LAMA2: variants seen among roughly 807,000 people sequenced by gnomAD.
LAMA2 encodes laminin subunit alpha-2.
In LAMA2, 269 loss-of-function variants were observed where a neutral mutation model predicts 364.8. The observed-to-expected ratio is 0.74, with a 90% CI of 0.67 to 0.82. LAMA2 has a LOEUF of 0.82. Ranked by LOEUF, LAMA2 falls within the 40% of genes least tolerant of loss-of-function variation. The probability of loss-of-function intolerance (pLI) is 0.00; values close to 1 mark genes in which losing one functional copy is unlikely to be tolerated. For synonymous variants in LAMA2, 1,379 were observed against 1,370.6 expected, an observed-to-expected ratio of 1.01 and a Z score of -0.14; for missense variants, 3,807 against 3,873.2, an observed-to-expected ratio of 0.98 and a Z score of 0.45.
At chr6:128,909,700 G>A (rs1281910366) in intron 1 of LAMA2, among the ~76,000 whole-genome samples, 1 of 150,820 alleles carries the variant, frequency 6.6e-6, no homozygotes, top group African/African-American at 2.4e-5. Flanking sequence ...TGGTTATTTT[G>A]CTCGTTAGTT....
chr6:129,010,208 C>T (rs1784679802), intron 1 of LAMA2, among the ~76,000 whole-genome samples: 2 of 152,270 alleles, frequency 1.3e-5, no homozygotes, highest in South Asian at 4.1e-4. Flanking sequence ...CTGCATATAT[C>T]TTGGGACAGA....
intron 1 of LAMA2, among the ~76,000 whole-genome samples, chr6:129,019,840 C>T (rs990396305): frequency 3.3e-5 from 5 of 152,068 alleles, no homozygotes; most frequent in African/African-American, 1.2e-4. Context: ...CCTAGCACTT[C>T]TGTGAGGCTG....
At chr6:129,462,155 G>T (rs1437352971) in intron 49 of LAMA2, among the ~76,000 whole-genome samples, 1 of 152,014 alleles carries the variant, frequency 6.6e-6, no homozygotes, top group Non-Finnish European at 1.5e-5. Context: ...AAAAGAACAA[G>T]TGTGAATTCA....
chr6:129,340,438 A>C (rs992106119), intron 29 of LAMA2, among the ~76,000 whole-genome samples: 4 of 152,100 alleles, frequency 2.6e-5, no homozygotes, highest in African/African-American at 9.7e-5. Flanking sequence ...GCTTCAGACA[A>C]AGGACGGAAA....
At chr6:129,124,392 A>G (rs2114924581) in intron 4 of LAMA2, among the ~76,000 whole-genome samples, 1 of 152,284 alleles carries the variant, frequency 6.6e-6, no homozygotes, top group South Asian at 2.1e-4. Flanking sequence ...CCTCCAGATG[A>G]GGGGAATATA....
intron 18 of LAMA2, 40 bp from the exon 19 acceptor site, chr6:129,287,807 G>T: frequency 6.7e-7 from 1 of 1,494,252 alleles, no homozygotes; most frequent in Non-Finnish European, 9.3e-7. Context: ...CCCCAACTGA[G>T]GTCCCCCCAA....
chr6:129,441,287 A>T (rs1369062016), intron 43 of LAMA2, among the ~76,000 whole-genome samples: 1 of 152,212 alleles, frequency 6.6e-6, no homozygotes, highest in South Asian at 2.1e-4. Context: ...AACACTTTTT[A>T]ATCCGTGTGT....
intron 44 of LAMA2, among the ~76,000 whole-genome samples, chr6:129,444,538 T>C (rs1049888560): frequency 1.3e-5 from 2 of 152,224 alleles, no homozygotes; most frequent in South Asian, 2.1e-4. Flanking sequence ...GTTCTTGATA[T>C]AGCAAATCTA....
intron 22 of LAMA2, among the ~76,000 whole-genome samples, chr6:129,309,405 C>T (rs1774071915): frequency 6.6e-6 from 1 of 152,180 alleles, no homozygotes. Flanking sequence ...GGAAAGGTCC[C>T]AATGTCTATT....
At chr6:129,241,595 C>T (rs1459492990) in intron 12 of LAMA2, among the ~76,000 whole-genome samples, 2 of 152,068 alleles carry the variant, frequency 1.3e-5, no homozygotes, top group Non-Finnish European at 2.9e-5. Flanking sequence ...TTAACTTTCC[C>T]AAGGGCCTTG....
At chr6:128,983,273 T>C (rs1033900608) in intron 1 of LAMA2, among the ~76,000 whole-genome samples, 21 of 151,994 alleles carry the variant, frequency 1.4e-4, no homozygotes, top group African/African-American at 4.6e-4. Flanking sequence ...CTCCAGCCCC[T>C]GTTGTTTCCT....
rs564502091 is a variant in LAMA2 at position 129,136,903 on chromosome 6, ATGACCAGTGGGAAGG to A, written c.640-6997_640-6983del. Among the ~76,000 whole-genome samples the A allele has an allele frequency of 9.7e-3, 1,482 of 152,236 alleles. 31 individuals carry two copies. Among genetic ancestry groups the A allele is most frequent in the African/African-American group, 0.034 (1,415 of 41,556 alleles). ...GTGGTCAGTGTTCCTTTTATGCGTT[ATGACCAGTGGGAAGG>A]ATACCAGGATCTTCCATTCAGTTAT... On this transcript the variant is annotated intron_variant, in intron 4 of 64. Coordinates refer to ENST00000421865, the MANE Select transcript of LAMA2 (RefSeq NM_000426.4).
chr6:129,151,407 C>T (rs1778784321), intron 7 of LAMA2, among the ~76,000 whole-genome samples: 2 of 152,128 alleles, frequency 1.3e-5, no homozygotes, highest in Admixed American at 1.3e-4. Flanking sequence ...AATTCATAGC[C>T]AGGTCCAGTG....
intron 9 of LAMA2, among the ~76,000 whole-genome samples, chr6:129,177,191 C>T (rs1780647716): frequency 6.6e-6 from 1 of 152,116 alleles, no homozygotes; most frequent in South Asian, 2.1e-4. Flanking sequence ...ATATCAATTC[C>T]AATGAACACC....
chr6:128,913,429 G>A (rs1419596742), intron 1 of LAMA2, among the ~76,000 whole-genome samples: 3 of 152,088 alleles, frequency 2.0e-5, no homozygotes, highest in Non-Finnish European at 4.4e-5. Context: ...AACTCCTCAG[G>A]CTTCTGGCTG....
intron 3 of LAMA2, among the ~76,000 whole-genome samples, chr6:129,074,771 T>C (rs1442259767): frequency 6.6e-6 from 1 of 152,194 alleles, no homozygotes; most frequent in Non-Finnish European, 1.5e-5. Context: ...TGATGGATTA[T>C]GAAGAAAGAA....
Position 129,155,213 on chromosome 6 carries a change from T to A in LAMA2, c.1206+530T>A, listed in dbSNP as rs562466150. 3.9e-5 allele frequency among the ~76,000 whole-genome samples: 6 copies of A among 152,308 alleles called. No individual in the cohort carries two copies. The South Asian group carries it at 1.2e-3, about 32-fold the overall frequency. On this transcript the variant is annotated intron_variant, in intron 8 of 64. Coordinates refer to ENST00000421865, the MANE Select transcript of LAMA2 (RefSeq NM_000426.4). The stretch of plus-strand genomic sequence containing the variant: ...CCTACAAATAATTTTATACTAGTTA[T>A]TTTATAGTCATATTTTTATTTACCT...
intron 4 of LAMA2, among the ~76,000 whole-genome samples, chr6:129,131,871 A>G (rs1227035263): frequency 1.3e-5 from 2 of 152,154 alleles, no homozygotes; most frequent in African/African-American, 4.8e-5. Flanking sequence ...CACAATGTTG[A>G]GCTACAAATG....
chr6:129,399,404 T>C (rs961628059), intron 37 of LAMA2, among the ~76,000 whole-genome samples: 1 of 152,252 alleles, frequency 6.6e-6, no homozygotes, highest in Non-Finnish European at 1.5e-5. Flanking sequence ...ATTGAGATTA[T>C]GCATTTCTAA....
Sources: allele counts gnomAD v4.1 joint callset (sites outside exome capture counted in the v4.1 genomes callset), GRCh38; gene constraint gnomAD v4.1.1; transcripts MANE v1.5; gene names NCBI Gene and HGNC (gene_info 2026-07-23, HGNC 2026-07-21).